ZBTB41: variants seen among roughly 807,000 people sequenced by gnomAD.
ZBTB41 encodes the protein zinc finger and BTB domain-containing protein 41.
A neutral mutation model predicts 87.6 loss-of-function variants in ZBTB41; 42 were observed. That is an observed-to-expected ratio of 0.48 (90% CI 0.37 to 0.62). The LOEUF (loss-of-function observed/expected upper bound fraction) is 0.62. Ranked by LOEUF, ZBTB41 falls within the 20% of genes least tolerant of loss-of-function variation. ZBTB41 has a pLI of 0.00. For missense variants in ZBTB41, 799 were observed against 1,078.9 expected, an observed-to-expected ratio of 0.74 and a Z score of 3.63; for synonymous variants, 364 against 364.0, an observed-to-expected ratio of 1.00 and a Z score of 0.00.
chr1:197,189,456 G>T (rs1328857699), intron 4 of ZBTB41, among the ~76,000 whole-genome samples: 1 of 151,764 alleles, frequency 6.6e-6, no homozygotes, highest in Non-Finnish European at 1.5e-5. Flanking sequence ...AACCCAGGAG[G>T]AGGAGGTTGC....
Position 197,186,134 on chromosome 1 carries a change from A to G in ZBTB41, c.1546+2158T>C, listed in dbSNP as rs186097523. ...GGCAAAAATAAAAAATAAAAAAAAA[A>G]GATCAACAGAACAGAATACAGAGCC... On this transcript the variant is annotated intron_variant, in intron 5 of 10. Coordinates refer to ENST00000367405, the MANE Select transcript of ZBTB41 (RefSeq NM_194314.3). 3.0e-4 allele frequency among the ~76,000 whole-genome samples: 45 copies of G among 152,268 alleles called. No individual in the cohort carries two copies. In the East Asian group the frequency reaches 6.4e-3, roughly 22 times the overall value.
rs563789782 is a variant in ZBTB41 at position 197,155,791 on chromosome 1, T to G, written c.*3568A>C. The G allele has an allele frequency of 6.6e-6, 1 of 152,354 alleles. No homozygotes were observed. Among genetic ancestry groups the G allele is most frequent in the Admixed American group, 6.6e-5 (1 of 15,258 alleles). The allele number at this position is 152,354 out of a possible 1,614,324, so 9.4% of individuals were successfully genotyped here. ...CTAATAAAGCACCAATTTAAAACCA[T>G]ATTTTTGCTACTCCTATTCTCCCAG... is the stretch of plus-strand genomic sequence containing the variant. On this transcript the variant is annotated 3_prime_UTR_variant, in exon 11 of 11. Coordinates refer to ENST00000367405, the MANE Select transcript of ZBTB41 (RefSeq NM_194314.3).
At chr1:197,161,699 G>C (rs1393535845) in intron 10 of ZBTB41, among the ~76,000 whole-genome samples, 2 of 152,004 alleles carry the variant, frequency 1.3e-5, no homozygotes, top group Non-Finnish European at 2.9e-5. Flanking sequence ...GATTTTACAA[G>C]TGAATGCCTA....
intron 7 of ZBTB41, among the ~76,000 whole-genome samples, chr1:197,177,384 C>T (rs1659634555): frequency 6.6e-6 from 1 of 152,078 alleles, no homozygotes; most frequent in Non-Finnish European, 1.5e-5. Context: ...TGAGGCCTTC[C>T]CAGCCATGCG....
At chr1:197,193,516 G>T (rs897830160) in intron 2 of ZBTB41, among the ~76,000 whole-genome samples, 1 of 152,092 alleles carries the variant, frequency 6.6e-6, no homozygotes, top group African/African-American at 2.4e-5. Context: ...ATATAAACAT[G>T]GATACATCTG....
At chr1:197,196,386 T>C (rs1660162786) in intron 2 of ZBTB41, among the ~76,000 whole-genome samples, 1 of 152,186 alleles carries the variant, frequency 6.6e-6, no homozygotes, top group Admixed American at 6.5e-5. Flanking sequence ...TTAGTCTACA[T>C]TCAATGTATC....
chr1:197,172,437 G>A (rs1659504589), intron 9 of ZBTB41, among the ~76,000 whole-genome samples, 189 bp from the exon 10 acceptor site: 1 of 151,922 alleles, frequency 6.6e-6, no homozygotes, highest in South Asian at 2.1e-4. Flanking sequence ...CTTTTAATAT[G>A]TTGAGCTTGC....
intron 1 of ZBTB41, among the ~76,000 whole-genome samples, chr1:197,200,964 G>A (rs1234339307): frequency 1.3e-5 from 2 of 152,200 alleles, no homozygotes; most frequent in Non-Finnish European, 2.9e-5. Flanking sequence ...CGAGATCCGA[G>A]TCTCTCCATT....
At chr1:197,174,940 A>C in intron 9 of ZBTB41, 70 bp downstream of exon 9, 1 of 1,291,510 alleles carries the variant, frequency 7.7e-7, no homozygotes, top group Non-Finnish European at 1.1e-6. Context: ...CAAAGTAAAC[A>C]AAAAAAGTTA....
chr1:197,188,632 T>C (rs763011644), intron 4 of ZBTB41, among the ~76,000 whole-genome samples, 193 bp from the exon 5 acceptor site: 2 of 152,182 alleles, frequency 1.3e-5, no homozygotes, highest in Non-Finnish European at 2.9e-5. Flanking sequence ...GATTTTAAAT[T>C]AGTACTAAAG....
In ZBTB41 at chr1:197,175,259, A is replaced by C. The variant is rs575989301; in HGVS notation, c.1880-144T>G. On this transcript the variant is annotated intron_variant, in intron 8 of 10. Transcript: ENST00000367405. Reference sequence around the variant, plus strand: ...CATTTTATTCTGCACTATTTGCTTTATATTCCTTACTCAAATAACTTTCTT... The same window carrying C: ...CATTTTATTCTGCACTATTTGCTTTCTATTCCTTACTCAAATAACTTTCTT... 71 of 563,760 alleles carry C rather than the reference A, an allele frequency of 1.3e-4. No individual in the cohort carries two copies. In the South Asian group the frequency reaches 1.8e-3, roughly 14 times the overall value. 34.9% of individuals were successfully genotyped at this position (563,760 alleles called of 1,614,324 possible).
At chr1:197,196,950 T>TC (rs35604684) in intron 2 of ZBTB41, among the ~76,000 whole-genome samples, 118,952 of 152,130 alleles carry the variant, frequency 0.78, 49,543 homozygotes, top group East Asian at 0.98. Context: ...GATAAAATTA[T>TC]CTTTATTGTA....
Position 197,188,364 on chromosome 1 carries a change from T to C in ZBTB41, c.1474A>G (p.Lys492Glu). Residue 492 changes from lysine to glutamate, a missense_variant, in exon 5 of 11, where the codon AAG (lysine) becomes GAG (glutamate). Around this residue, in one of 5 missense-constraint regions of ZBTB41, gnomAD observed 198 missense variants for 358.4 expected, o/e 0.55. Coordinates refer to ENST00000367405, the MANE Select transcript of ZBTB41 (RefSeq NM_194314.3). Reference protein sequence around the residue: ...MILHSQDKPFKCTYCEEHFKS... With the variant: ...MILHSQDKPFECTYCEEHFKS... ...AAATGTTCTTCACAATAGGTACACT[T>C]AAAAGGTTTATCTTGAGAATGTAGA... 6.2e-7 allele frequency: 1 copy of C among 1,613,846 alleles called. No homozygotes were observed. The highest frequency in any genetic ancestry group is 8.5e-7 in the Non-Finnish European group (1 of 1,179,900).
At chr1:197,194,633 AG>A (rs1453305771) in intron 2 of ZBTB41, among the ~76,000 whole-genome samples, 82 of 113,474 alleles carry the variant, frequency 7.2e-4, no homozygotes, top group African/African-American at 2.5e-3. Context: ...AAAAAAAAAA[AG>A]AAGAAGAAGA....
At chr1:197,165,732 A>T (rs1341526238) in intron 10 of ZBTB41, among the ~76,000 whole-genome samples, 2 of 152,184 alleles carry the variant, frequency 1.3e-5, no homozygotes, top group African/African-American at 2.4e-5. Flanking sequence ...ACAATTTAAC[A>T]ACTTAGGCAT....
intron 2 of ZBTB41, among the ~76,000 whole-genome samples, chr1:197,193,938 G>A (rs977875339): frequency 6.6e-6 from 1 of 152,094 alleles, no homozygotes; most frequent in Admixed American, 6.5e-5. Flanking sequence ...ATTTTTAACT[G>A]GGGATTGACT....
At chr1:197,165,325 CGG>C (rs1553230089) in intron 10 of ZBTB41, among the ~76,000 whole-genome samples, 1 of 151,828 alleles carries the variant, frequency 6.6e-6, no homozygotes, top group Non-Finnish European at 1.5e-5. Flanking sequence ...AAATGAGGTA[CGG>C]AGCCAGGCAT....
At chr1:197,186,579 C>G (rs143273939) in intron 5 of ZBTB41, among the ~76,000 whole-genome samples, 2,093 of 152,062 alleles carry the variant, frequency 0.014, 43 homozygotes, top group African/African-American at 0.048. Flanking sequence ...AAAAATGGGC[C>G]AGCCAGGCGT....
At chr1:197,186,264 T>C (rs1347395217) in intron 5 of ZBTB41, among the ~76,000 whole-genome samples, 1 of 140,736 alleles carries the variant, frequency 7.1e-6, no homozygotes, top group Admixed American at 7.7e-5. Context: ...CTAGTACAAA[T>C]GGATATCCAC....
Sources: gnomAD v4.1 joint callset for allele counts (sites outside exome capture counted in the v4.1 genomes callset) on GRCh38, gnomAD v4.1.1 for gene constraint, gnomAD v4.1.1 regional missense constraint, MANE v1.5 for transcripts, NCBI Gene and HGNC (gene_info 2026-07-23, HGNC 2026-07-21) for gene names.